The following SGO2 variants were observed in gnomAD, a reference collection of about 807,000 sequenced individuals.
The protein encoded by SGO2 is shugoshin 2.
Under a neutral mutation model 99.5 loss-of-function variants are expected in SGO2, and 68 were observed. That is an observed-to-expected ratio of 0.68 (90% CI 0.56 to 0.84). The LOEUF is 0.84. Ranked by LOEUF, SGO2 falls within the 40% of genes least tolerant of loss-of-function variation. The pLI, the probability that SGO2 is intolerant of heterozygous loss-of-function variation, is 0.00. For missense variants in SGO2, 1,350 were observed against 1,436.7 expected, an observed-to-expected ratio of 0.94 and a Z score of 0.97; for synonymous variants, 457 against 487.1, an observed-to-expected ratio of 0.94 and a Z score of 0.81.
chr2:200,569,616 A>C (rs2033316811), intron 5 of SGO2, 47 bp from the exon 6 acceptor site: 1 of 1,437,550 alleles, frequency 7.0e-7, no homozygotes. Context: ...ATTTAAAGAA[A>C]ATTTATAAAA....
In SGO2 at chr2:200,572,838, A is replaced by G. The variant is rs2033497004; in HGVS notation, c.2492A>G (p.Lys831Arg). The change falls in exon 7 of 9, where the codon AAA becomes AGA. Residue 831 changes from lysine (K) to arginine (R), a missense_variant. By Grantham distance (26) the Lys-to-Arg change is conservative. Coordinates refer to ENST00000357799, the MANE Select transcript of SGO2 (RefSeq NM_152524.6). ...ETNQIYENDN[K>R]GVHDLEKDNF... ...AACCAAATATATGAGAATGATAACAAAGGTGTACATGACCTAGAAAAAGAT... is the reference window on the plus strand; with the variant it reads ...AACCAAATATATGAGAATGATAACAGAGGTGTACATGACCTAGAAAAAGAT... 1.2e-6 allele frequency: 2 copies of G among 1,608,738 alleles called. No individual in the cohort carries two copies. Among genetic ancestry groups the G allele is most frequent in the South Asian group, 1.1e-5 (1 of 89,626 alleles).
intron 5 of SGO2, among the ~76,000 whole-genome samples, chr2:200,562,675 C>G (rs1275424992): frequency 2.0e-5 from 3 of 152,174 alleles, no homozygotes; most frequent in Non-Finnish European, 4.4e-5. Context: ...AATATTGATT[C>G]TTCCTACCCA....
intron 5 of SGO2, among the ~76,000 whole-genome samples, chr2:200,567,206 T>G (rs1454098483): frequency 1.3e-5 from 2 of 152,230 alleles, no homozygotes; most frequent in Non-Finnish European, 2.9e-5. Flanking sequence ...TTGGTCATCT[T>G]GGAACCTCTC....
chr2:200,537,486 G>A (rs1015423136), intron 4 of SGO2, among the ~76,000 whole-genome samples: 7 of 152,026 alleles, frequency 4.6e-5, no homozygotes, highest in Admixed American at 2.0e-4. Flanking sequence ...TCCATGTTGC[G>A]AAAACCCACG....
chr2:200,564,613 C>G (rs983609431), intron 5 of SGO2, among the ~76,000 whole-genome samples: 8 of 152,106 alleles, frequency 5.3e-5, no homozygotes, highest in Non-Finnish European at 4.4e-5. Context: ...TCCTGGATAT[C>G]CTTGTTAATT....
intron 5 of SGO2, among the ~76,000 whole-genome samples, chr2:200,552,232 T>C (rs1164308824): frequency 6.6e-6 from 1 of 152,186 alleles, no homozygotes; most frequent in Non-Finnish European, 1.5e-5. Context: ...TTAAAATATA[T>C]TTTTTGAGAT....
chr2:200,534,575 C>T (rs1307424948), intron 2 of SGO2, among the ~76,000 whole-genome samples: 2 of 152,114 alleles, frequency 1.3e-5, no homozygotes, highest in Non-Finnish European at 2.9e-5. Flanking sequence ...TAGAATTTTC[C>T]CAGATTGGCT....
chr2:200,571,197 A>G lies in SGO2; in HGVS notation c.851A>G (p.Asn284Ser). 2 of 1,613,680 alleles carry G rather than the reference A, an allele frequency of 1.2e-6. No homozygotes were observed. The highest frequency in any genetic ancestry group is 2.2e-5 in the South Asian group (2 of 91,060). Residue 284 changes from asparagine (N) to serine (S), a missense_variant, in exon 7 of 9, where the codon AAT becomes AGT. Physicochemically the swap from Asn to Ser is conservative, Grantham distance 46 (BLOSUM62 1). Coordinates refer to ENST00000357799, the MANE Select transcript of SGO2 (RefSeq NM_152524.6). ...CGTGGGTCATCTTGGGAATCAAATAATCTTTCTGCAGACACTCCCTGTGCA... is the reference window on the plus strand; with the variant it reads ...CGTGGGTCATCTTGGGAATCAAATAGTCTTTCTGCAGACACTCCCTGTGCA... ...KKRGSSWESN[N>S]LSADTPCATV...
At position 200,570,068 on chromosome 2, in the gene SGO2, T is replaced by G. The variant is rs1335306301; in HGVS notation, c.703+176T>G. The G allele has an allele frequency of 3.8e-5, 21 of 555,722 alleles. No homozygotes were observed. The highest frequency in any genetic ancestry group is 5.7e-5 in the Non-Finnish European group (18 of 316,172). 34.4% of individuals were successfully genotyped at this position (555,722 alleles called of 1,614,324 possible). A position where few individuals can be genotyped will look rare whatever the true frequency, so the allele number is the denominator to read the frequency against. On this transcript the variant is annotated intron_variant, in intron 6 of 8. Coordinates refer to ENST00000357799, the MANE Select transcript of SGO2 (RefSeq NM_152524.6). This position sits in a 1 kb window ranked among gnomAD's most constrained non-coding sequence, Gnocchi z 4.4. ...AGATTTAATTTTAAAGTAAATATGC[T>G]GACAAACATCACACCCACAGTGGCC...
intron 5 of SGO2, among the ~76,000 whole-genome samples, chr2:200,550,849 A>T (rs1444228795): frequency 6.6e-6 from 1 of 152,178 alleles, no homozygotes; most frequent in Non-Finnish European, 1.5e-5. Flanking sequence ...TATTACATCA[A>T]GCTAAAAAGC....
At chr2:200,576,761 C>G (rs192750419) in intron 8 of SGO2, among the ~76,000 whole-genome samples, 2 of 152,290 alleles carry the variant, frequency 1.3e-5, no homozygotes, top group Admixed American at 1.3e-4. Flanking sequence ...CTAGATTTCC[C>G]TGTTCTAGAC....
At chr2:200,541,424 T>C (rs2031952238) in intron 4 of SGO2, among the ~76,000 whole-genome samples, 1 of 152,214 alleles carries the variant, frequency 6.6e-6, no homozygotes, top group Admixed American at 6.5e-5. Context: ...TGCCCTGTCT[T>C]GCCTTTCCTA....
intron 5 of SGO2, among the ~76,000 whole-genome samples, chr2:200,562,807 C>T (rs1034204036): frequency 6.6e-6 from 1 of 152,060 alleles, no homozygotes. Flanking sequence ...GTATTTTATT[C>T]TCTTTGAAGC....
chr2:200,538,643 G>A (rs1455419814), intron 4 of SGO2, among the ~76,000 whole-genome samples: 10 of 152,164 alleles, frequency 6.6e-5, no homozygotes, highest in African/African-American at 2.4e-4. Context: ...TGTTTCCCCA[G>A]TAAGACTGAT....
intron 4 of SGO2, among the ~76,000 whole-genome samples, chr2:200,541,784 G>A (rs1472550849): frequency 6.6e-6 from 1 of 152,174 alleles, no homozygotes; most frequent in Non-Finnish European, 1.5e-5. Context: ...AGCCTGGTGA[G>A]TGTGGAAGTT....
At position 200,571,963 on chromosome 2, in the gene SGO2, G is replaced by A. The variant is rs1220064416; in HGVS notation, c.1617G>A (p.Val539=). The part of the protein sequence containing the change: ...NKSKASRQTF[V]IHKLEKDNLL... ...GTAAAGCTTCTAGACAGACATTTGT[G>A]ATTCACAAATTAGAAAAAGATAACT... Residue 539 remains valine (V), a synonymous_variant, in exon 7 of 9, where the codon GTG becomes GTA. Transcript: ENST00000357799. 1 of 1,609,622 alleles carries A rather than the reference G, an allele frequency of 6.2e-7. No individual in the cohort carries two copies. The highest frequency in any genetic ancestry group is 8.5e-7 in the Non-Finnish European group (1 of 1,178,724).
At chr2:200,576,107 T>TGTTGATCACAATGATC (rs2033649365) in intron 8 of SGO2, 1 of 388,394 alleles carries the variant, frequency 2.6e-6, no homozygotes, top group East Asian at 8.9e-5. Context: ...TGATCACATC[T>TGTTGATCACAATGATC]AACAAAAAAG....
chr2:200,542,658 T>G lies in SGO2; in HGVS notation c.467T>G (p.Phe156Cys), dbSNP rs773427467. 1 of 1,612,398 alleles carries G rather than the reference T, an allele frequency of 6.2e-7. No homozygotes were observed. Among genetic ancestry groups the G allele is most frequent in the Admixed American group, 1.7e-5 (1 of 59,916 alleles). Residue 156 changes from phenylalanine (F) to cysteine (C), a missense_variant, in exon 5 of 9, where the codon TTT (phenylalanine) becomes TGT (cysteine). Physicochemically the swap from Phe to Cys is radical, Grantham distance 205. Coordinates refer to ENST00000357799, the MANE Select transcript of SGO2 (RefSeq NM_152524.6). ...CAGTGCAAGTTGATGCGTCTTCCAT[T>G]TGCAAGGTAAATATGGGCTTGAATT... The part of the protein sequence containing the change: ...SKQCKLMRLP[F>C]ARVPLTSNDD...
chr2:200,532,924 A>T (rs842939), intron 1 of SGO2, 50 bp from the exon 2 acceptor site: 4 of 1,538,092 alleles, frequency 2.6e-6, no homozygotes, highest in South Asian at 2.4e-5. Flanking sequence ...TATCAGTTAT[A>T]CTTTTTCTTT....
Sources: allele counts gnomAD v4.1 joint callset (sites outside exome capture counted in the v4.1 genomes callset), GRCh38; gene constraint gnomAD v4.1.1; non-coding constraint Gnocchi (gnomAD v3.1); transcripts MANE v1.5; gene names NCBI Gene and HGNC (gene_info 2026-07-23, HGNC 2026-07-21).